The following PTPRN2 variants were observed in gnomAD, a reference collection of about 807,000 sequenced individuals.
PTPRN2 encodes receptor-type tyrosine-protein phosphatase N2.
PTPRN2 carries 74 observed loss-of-function variants against 118.8 expected under a neutral mutation model. The observed-to-expected ratio is 0.62, with a 90% CI of 0.52 to 0.76. The LOEUF (loss-of-function observed/expected upper bound fraction) is 0.76. PTPRN2 is among the 30% of genes least tolerant of loss of function. The probability of loss-of-function intolerance (pLI) is 0.00; values close to 1 mark genes in which losing one functional copy is unlikely to be tolerated. For missense variants in PTPRN2, 1,481 were observed against 1,394.4 expected, an observed-to-expected ratio of 1.06 and a Z score of -0.99; for synonymous variants, 641 against 608.0, an observed-to-expected ratio of 1.05 and a Z score of -0.80.
chr7:158,537,322 A>G (rs1413952868), intron 1 of PTPRN2, among the ~76,000 whole-genome samples: 1 of 152,230 alleles, frequency 6.6e-6, no homozygotes, highest in Non-Finnish European at 1.5e-5. Flanking sequence ...AGGCATAAGG[A>G]ACCACAGGAA....
intron 11 of PTPRN2, among the ~76,000 whole-genome samples, chr7:158,071,314 TGGTAGTGGAGGTGCC>T (rs1811507387): frequency 1.7e-5 from 2 of 114,490 alleles, no homozygotes; most frequent in African/African-American, 3.4e-5. Context: ...GAGGTGCCCA[TGGTAGTGGAGGTGCC>T]CATGGTGGTG....
intron 1 of PTPRN2, among the ~76,000 whole-genome samples, chr7:158,516,644 TCCTG>T (rs1384693519): frequency 6.6e-6 from 1 of 151,988 alleles, no homozygotes; most frequent in African/African-American, 2.4e-5. Context: ...TTCTTGGTGC[TCCTG>T]CCTATTGTTC....
chr7:158,319,418 C>A (rs1248371104), intron 2 of PTPRN2, among the ~76,000 whole-genome samples: 1 of 88,234 alleles, frequency 1.1e-5, no homozygotes, highest in South Asian at 3.9e-4. Flanking sequence ...ACACAGCCTC[C>A]CACACACACA....
chr7:157,842,907 T>A (rs1443377054), intron 12 of PTPRN2, among the ~76,000 whole-genome samples: 1 of 151,922 alleles, frequency 6.6e-6, no homozygotes, highest in East Asian at 1.9e-4. Flanking sequence ...AAGGGTAGAG[T>A]GATTAGGAAT....
At chr7:158,040,766 T>C (rs899608979) in intron 11 of PTPRN2, among the ~76,000 whole-genome samples, 1 of 144,226 alleles carries the variant, frequency 6.9e-6, no homozygotes, top group African/African-American at 2.6e-5. Context: ...GGAATCTCAC[T>C]CTATTGCTCG....
chr7:157,860,083 C>A (rs1035793470), intron 12 of PTPRN2, among the ~76,000 whole-genome samples: 3 of 152,256 alleles, frequency 2.0e-5, no homozygotes, highest in East Asian at 1.9e-4. Context: ...AGACAGCATG[C>A]GGCTTCGTGA....
chr7:157,689,007 C>A (rs1238360693), intron 12 of PTPRN2, among the ~76,000 whole-genome samples: 2 of 152,204 alleles, frequency 1.3e-5, no homozygotes, highest in African/African-American at 4.8e-5. Context: ...GGCCACAGAG[C>A]GCGCCGGCCG....
intron 12 of PTPRN2, among the ~76,000 whole-genome samples, chr7:157,828,105 C>T (rs1292664721): frequency 6.6e-6 from 1 of 152,182 alleles, no homozygotes; most frequent in African/African-American, 2.4e-5. Flanking sequence ...CATTAATTTT[C>T]CCCACATGCA....
At chr7:158,537,082 G>C (rs1825690623) in intron 1 of PTPRN2, among the ~76,000 whole-genome samples, 1 of 152,192 alleles carries the variant, frequency 6.6e-6, no homozygotes. Context: ...GCCCCTGTGA[G>C]GTCCCAGTGA....
At chr7:158,034,499 C>T (rs988054029) in intron 11 of PTPRN2, among the ~76,000 whole-genome samples, 15 of 152,190 alleles carry the variant, frequency 9.9e-5, no homozygotes, top group East Asian at 1.9e-4. Flanking sequence ...ACTTTGCCTG[C>T]TGCCATCCAT....
At chr7:158,079,291 A>G (rs1179079078) in intron 11 of PTPRN2, among the ~76,000 whole-genome samples, 1 of 152,242 alleles carries the variant, frequency 6.6e-6, no homozygotes, top group East Asian at 1.9e-4. Context: ...AGGAGTTAAC[A>G]TGGAGGCACT....
intron 12 of PTPRN2, among the ~76,000 whole-genome samples, chr7:157,811,899 C>T (rs1000045132): frequency 9.2e-5 from 14 of 152,154 alleles, no homozygotes; most frequent in African/African-American, 3.4e-4. Flanking sequence ...ACAAGGCCAT[C>T]TGTATCCCCA....
intron 10 of PTPRN2, among the ~76,000 whole-genome samples, chr7:158,105,840 C>A (rs962161403): frequency 5.3e-5 from 8 of 152,118 alleles, no homozygotes; most frequent in Admixed American, 3.9e-4. Context: ...GCAGCCCCAT[C>A]CAGCTCCATT....
intron 6 of PTPRN2, among the ~76,000 whole-genome samples, chr7:158,163,069 C>T (rs747309704): frequency 2.7e-4 from 41 of 152,304 alleles, no homozygotes; most frequent in Non-Finnish European, 4.4e-4. Context: ...AGAAATCATT[C>T]GATGTCTGGA....
intron 11 of PTPRN2, among the ~76,000 whole-genome samples, chr7:157,922,173 T>G (rs905378080): frequency 1.3e-5 from 2 of 152,224 alleles, no homozygotes; most frequent in African/African-American, 4.8e-5. Context: ...ATTACTGCAG[T>G]GAAACTTTCA....
At chr7:158,248,639 A>G (rs1796413814) in intron 3 of PTPRN2, among the ~76,000 whole-genome samples, 1 of 151,490 alleles carries the variant, frequency 6.6e-6, no homozygotes. Flanking sequence ...CACACACCAC[A>G]CATATGCACA....
At chr7:158,510,943 C>A (rs1823134576) in intron 1 of PTPRN2, among the ~76,000 whole-genome samples, 1 of 152,238 alleles carries the variant, frequency 6.6e-6, no homozygotes, top group Non-Finnish European at 1.5e-5. Flanking sequence ...ACCTTCCCAG[C>A]CTCCCACAGG....
intron 22 of PTPRN2, among the ~76,000 whole-genome samples, chr7:157,545,369 AGT>A (rs770613835): frequency 7.4e-6 from 1 of 135,246 alleles, no homozygotes; most frequent in Non-Finnish European, 1.6e-5. Context: ...GGGGATGCGC[AGT>A]GTGTGGCTGA....
At chr7:158,439,474 T>C (rs1171927153) in intron 2 of PTPRN2, among the ~76,000 whole-genome samples, 2 of 151,250 alleles carry the variant, frequency 1.3e-5, no homozygotes, top group Non-Finnish European at 1.5e-5. Flanking sequence ...AGAGAAGAAG[T>C]GGGGAAGAGA....
Sources: allele counts gnomAD v4.1 joint callset (sites outside exome capture counted in the v4.1 genomes callset), GRCh38; gene constraint gnomAD v4.1.1; transcripts MANE v1.5; gene names NCBI Gene and HGNC (gene_info 2026-07-23, HGNC 2026-07-21).